OSBPL2: variants seen among roughly 807,000 people sequenced by gnomAD.
The protein encoded by OSBPL2 is oxysterol binding protein like 2.
OSBPL2 carries 18 observed loss-of-function variants against 58.4 expected under a neutral mutation model. That is an observed-to-expected ratio of 0.31 (90% confidence interval 0.21 to 0.46). The LOEUF (loss-of-function observed/expected upper bound fraction) is 0.46. OSBPL2 is among the 20% of genes least tolerant of loss of function. The probability of loss-of-function intolerance (pLI) is 1.00; values close to 1 mark genes in which losing one functional copy is unlikely to be tolerated. For synonymous variants in OSBPL2, 221 were observed against 234.1 expected (o/e 0.94, Z 0.51); for missense variants, 461 against 616.5 (o/e 0.75, Z 2.67).
chr20:62,247,153 G>A (rs1010610730), intron 1 of OSBPL2, among the ~76,000 whole-genome samples: 6 of 152,210 alleles, frequency 3.9e-5, no homozygotes, highest in African/African-American at 9.6e-5. Context: ...GACCTTGAGC[G>A]GATGGCAGGT....
chr20:62,251,196 A>G (rs1346168501), intron 1 of OSBPL2, among the ~76,000 whole-genome samples: 1 of 151,058 alleles, frequency 6.6e-6, no homozygotes, highest in Non-Finnish European at 1.5e-5. Context: ...GGCGCCTGCC[A>G]CTGCGCCGGC....
rs1429139711 is a variant in OSBPL2, at chr20:62,288,073, ACAGT to A, written c.1126-1130_1126-1127del. 6.6e-6 allele frequency among the ~76,000 whole-genome samples: 1 copy of A among 151,976 alleles called. No individual in the cohort carries two copies. Among genetic ancestry groups the A allele is most frequent in the Non-Finnish European group, 1.5e-5 (1 of 67,974 alleles). The stretch of plus-strand genomic sequence containing the variant: ...TAGGGATTGCGTTTGGGCGGAGGGG[ACAGT>A]CAGGGCAGAGACCCCTGGAGTAGAC... On this transcript the variant is annotated intron_variant, in intron 11 of 13. Transcript: ENST00000313733. This position sits in a 1 kb window ranked among gnomAD's most constrained non-coding sequence, Gnocchi z 4.8.
chr20:62,286,536 G>A lies in OSBPL2; in HGVS notation c.997-47G>A, dbSNP rs751742491. ...TGAGAATAGCTGTCCTCCTGGCCAA[G>A]AGCGGCCTGGCCCCGGGCAGCCACA... On this transcript the variant is annotated intron_variant, in intron 10 of 13. Transcript: ENST00000313733. 7 of 1,579,116 alleles carry A rather than the reference G, an allele frequency of 4.4e-6. No individual in the cohort carries two copies. The Admixed American group carries it at 8.6e-5, about 19-fold the overall frequency.
intron 2 of OSBPL2, among the ~76,000 whole-genome samples, chr20:62,258,737 T>TG (rs1981101943): frequency 6.6e-6 from 1 of 152,174 alleles, no homozygotes; most frequent in Non-Finnish European, 1.5e-5. Flanking sequence ...GCCCGGGATG[T>TG]GCTGCTTTAT....
At chr20:62,279,113 T>C in intron 6 of OSBPL2, 44 bp from the exon 7 acceptor site, 1 of 1,531,430 alleles carries the variant, frequency 6.5e-7, no homozygotes, top group Non-Finnish European at 8.9e-7. Context: ...TTTCTTTTAT[T>C]TTGCTGCCAT....
intron 1 of OSBPL2, among the ~76,000 whole-genome samples, chr20:62,252,041 A>C (rs991347556): frequency 1.3e-5 from 2 of 150,218 alleles, no homozygotes; most frequent in Admixed American, 6.6e-5. Flanking sequence ...GCACCACCAC[A>C]CCCGACTAAT....
Position 62,260,051 on chromosome 20 carries a change from A to C in OSBPL2, c.108A>C (p.Leu36Phe). The C allele has an allele frequency of 6.2e-7, 1 of 1,613,610 alleles. No homozygotes were observed. Among genetic ancestry groups the C allele is most frequent in the Non-Finnish European group, 8.5e-7 (1 of 1,179,478 alleles). ...AGAAAGTCACGGGAATGATTGACTT[A>C]GACACCAGCAAAAATAATAGGATTG... ...ANQKVTGMID[L>F]DTSKNNRIGK... The change falls in exon 3 of 14, where the codon TTA becomes TTC. Residue 36 changes from leucine to phenylalanine, a missense_variant. This residue lies in a region of OSBPL2 where 80 missense variants were observed against 74.8 expected (regional missense o/e 1.07). Coordinates refer to ENST00000313733, the MANE Select transcript of OSBPL2 (RefSeq NM_144498.4).
At chr20:62,283,781 T>C (rs547234709) in intron 9 of OSBPL2, among the ~76,000 whole-genome samples, 1 of 152,226 alleles carries the variant, frequency 6.6e-6, no homozygotes, top group East Asian at 1.9e-4. Flanking sequence ...ATCTCTCTTT[T>C]GGGTTTCTGT....
intron 1 of OSBPL2, among the ~76,000 whole-genome samples, chr20:62,243,405 G>A (rs1243112624): frequency 6.6e-6 from 1 of 152,254 alleles, no homozygotes. Flanking sequence ...CCAGTGCAGA[G>A]GTGCCCGAGG....
intron 1 of OSBPL2, among the ~76,000 whole-genome samples, chr20:62,242,162 C>T (rs901663877): frequency 1.3e-5 from 2 of 152,182 alleles, no homozygotes; most frequent in African/African-American, 2.4e-5. Flanking sequence ...GGCATGGTGT[C>T]CCGGCCTCTC....
At chr20:62,290,338 C>T (rs1376759719) in intron 12 of OSBPL2, among the ~76,000 whole-genome samples, 1 of 152,022 alleles carries the variant, frequency 6.6e-6, no homozygotes, top group East Asian at 1.9e-4. Context: ...CAGGTTCAAG[C>T]CATCCTCCTG....
chr20:62,242,677 C>G (rs1249120041), intron 1 of OSBPL2: 2 of 152,446 alleles, frequency 1.3e-5, no homozygotes, highest in African/African-American at 2.4e-5. Context: ...TACTTCTCAC[C>G]TGCGCACTGA....
chr20:62,290,894 C>T (rs183086144), intron 12 of OSBPL2, among the ~76,000 whole-genome samples: 1 of 151,920 alleles, frequency 6.6e-6, no homozygotes, highest in Admixed American at 6.6e-5. Flanking sequence ...CCCGCCACCA[C>T]ACCCGGCCAA....
At chr20:62,249,240 C>T (rs1601151219) in intron 1 of OSBPL2, among the ~76,000 whole-genome samples, 3 of 152,074 alleles carry the variant, frequency 2.0e-5, no homozygotes, top group South Asian at 2.1e-4. Flanking sequence ...AAAAATCTCA[C>T]TGGAGAAGGA....
rs1317405531 is a variant in OSBPL2, at chr20:62,269,360, C to G, written c.259-2765C>G. Among the ~76,000 whole-genome samples, 1 of 152,196 alleles carries G rather than the reference C, an allele frequency of 6.6e-6. No homozygotes were observed. The highest frequency in any genetic ancestry group is 6.5e-5 in the Admixed American group (1 of 15,278). On this transcript the variant is annotated intron_variant, in intron 4 of 13. Transcript: ENST00000313733. This position sits in a 1 kb window ranked among gnomAD's most constrained non-coding sequence, Gnocchi z 4.2. ...CCTGCATGTGTGTTTGGCCGAGGCTCTGTGGGATAGGTTCCTAGAAGTGGG... is the reference window on the plus strand; with the variant it reads ...CCTGCATGTGTGTTTGGCCGAGGCTGTGTGGGATAGGTTCCTAGAAGTGGG...
chr20:62,261,719 C>A (rs1601167074), intron 3 of OSBPL2, among the ~76,000 whole-genome samples: 1 of 152,368 alleles, frequency 6.6e-6, no homozygotes, highest in South Asian at 2.1e-4. Flanking sequence ...GTGGCCTCTG[C>A]ATCCCTGCCT....
chr20:62,279,470 G>T, intron 7 of OSBPL2, 131 bp downstream of exon 7: 1 of 868,130 alleles, frequency 1.2e-6, no homozygotes, highest in Non-Finnish European at 1.7e-6. Flanking sequence ...CCTCCCCACA[G>T]CAGAAACGTC....
chr20:62,278,008 G>C (rs781748743), intron 6 of OSBPL2, among the ~76,000 whole-genome samples: 9 of 152,188 alleles, frequency 5.9e-5, no homozygotes, highest in Non-Finnish European at 1.0e-4. Context: ...AGTCCCTCGG[G>C]GTTGAGGGTT....
At position 62,293,952 on chromosome 20, in the gene OSBPL2, C is replaced by G. The variant is rs1447486561; in HGVS notation, c.*65C>G. Reference sequence around the variant, plus strand: ...GAGGCTGGACTTCCTCGAGTGGCCACTGTGAGCCTCGTCACAGCAGAAACC... The same window carrying G: ...GAGGCTGGACTTCCTCGAGTGGCCAGTGTGAGCCTCGTCACAGCAGAAACC... On this transcript the variant is annotated 3_prime_UTR_variant, in exon 14 of 14. Coordinates refer to ENST00000313733, the MANE Select transcript of OSBPL2 (RefSeq NM_144498.4). 2 of 1,574,864 alleles carry G rather than the reference C, an allele frequency of 1.3e-6. No individual in the cohort carries two copies. Among genetic ancestry groups the G allele is most frequent in the Admixed American group, 1.9e-5 (1 of 52,104 alleles).
Sources: gnomAD v4.1 joint callset for allele counts (sites outside exome capture counted in the v4.1 genomes callset) on GRCh38, gnomAD v4.1.1 for gene constraint, gnomAD v4.1.1 regional missense constraint, Gnocchi (gnomAD v3.1) non-coding constraint, MANE v1.5 for transcripts, NCBI Gene and HGNC (gene_info 2026-07-23, HGNC 2026-07-21) for gene names.